The following PEG3 variants were observed in gnomAD, a reference collection of about 807,000 sequenced individuals.
PEG3 encodes the protein paternally expressed 3, also known as paternally-expressed gene 3 protein.
A neutral mutation model predicts 35.5 loss-of-function variants in PEG3; 23 were observed. That is an observed-to-expected ratio of 0.65 (90% CI 0.47 to 0.92). The LOEUF is 0.92. Ranked by LOEUF, PEG3 falls within the 40% of genes least tolerant of loss-of-function variation. PEG3 has a pLI of 0.00. For missense variants in PEG3, 1,960 were observed against 1,985.3 expected, an observed-to-expected ratio of 0.99 and a Z score of 0.24; for synonymous variants, 707 against 697.0, an observed-to-expected ratio of 1.01 and a Z score of -0.23.
rs146639361 is a variant in PEG3 at position 56,825,982 on chromosome 19, C to G, written c.-87+406G>C. Among the ~76,000 whole-genome samples, 313 of 152,326 alleles carry G rather than the reference C, an allele frequency of 2.1e-3. 1 individual carries two copies. Among genetic ancestry groups the G allele is most frequent in the African/African-American group, 7.0e-3 (289 of 41,570 alleles). The stretch of plus-strand genomic sequence containing the variant: ...TATGCAAACTGCCCTCCCACGCTCT[C>G]TCCTGCATATTATCATCCCATGGAG... On this transcript the variant is annotated intron_variant, in intron 3 of 9. Transcript: ENST00000326441.
intron 4 of PEG3, among the ~76,000 whole-genome samples, chr19:56,823,902 C>T (rs2060757370): frequency 6.6e-6 from 1 of 152,146 alleles, no homozygotes; most frequent in Non-Finnish European, 1.5e-5. Flanking sequence ...GACCTCACCC[C>T]CAGACACAAA....
In PEG3 at chr19:56,816,806, G is replaced by C; in HGVS notation, c.1636C>G (p.Pro546Ala). ...TGAAGCTCACTAAAGGTGGGGCTAGGCATGAAGGCTTCCTCACATTCCTGA... is the reference window on the plus strand; with the variant it reads ...TGAAGCTCACTAAAGGTGGGGCTAGCCATGAAGGCTTCCTCACATTCCTGA... ...KNQECEEAFMPSPTFSELQKI... is the reference protein window; with the variant it reads ...KNQECEEAFMASPTFSELQKI... The change falls in exon 10 of 10, where the codon CCT becomes GCT. Residue 546 changes from proline (P) to alanine (A), a missense_variant. Pro to Ala is a conservative substitution (Grantham distance 27). Around this residue, in one of 5 missense-constraint regions of PEG3, gnomAD observed 798 missense variants for 782.4 expected, o/e 1.02. Transcript: ENST00000326441. 6.2e-7 allele frequency: 1 copy of C among 1,614,096 alleles called. No individual in the cohort carries two copies. Among genetic ancestry groups the C allele is most frequent in the Non-Finnish European group, 8.5e-7 (1 of 1,179,988 alleles).
Position 56,814,564 on chromosome 19 carries a change from T to A in PEG3, c.3878A>T (p.Asn1293Ile), listed in dbSNP as rs747830167. The change falls in exon 10 of 10, where the codon AAC (asparagine) becomes ATC (isoleucine). Residue 1293 changes from asparagine to isoleucine, a missense_variant. Asn to Ile is a moderately radical substitution (Grantham distance 149). Transcript: ENST00000326441. This position sits in a 1 kb window ranked among gnomAD's most constrained non-coding sequence, Gnocchi z 5.8. Reference sequence around the variant, plus strand: ...TACGTGATCTGCAAGTTCTGCTGGGTTGACGAAAGATTCTCCACAGACTGC... The same window carrying A: ...TACGTGATCTGCAAGTTCTGCTGGGATGACGAAAGATTCTCCACAGACTGC... ...ECAVCGESFV[N>I]PAELADHVTV... 2 of 1,613,882 alleles carry A rather than the reference T, an allele frequency of 1.2e-6. No homozygotes were observed. Among genetic ancestry groups the A allele is most frequent in the Non-Finnish European group, 1.7e-6 (2 of 1,179,866 alleles).
At chr19:56,835,755 C>G (rs981098961) in intron 2 of PEG3, among the ~76,000 whole-genome samples, 7 of 152,094 alleles carry the variant, frequency 4.6e-5, no homozygotes, top group Admixed American at 2.6e-4. Flanking sequence ...TCTTTAATCA[C>G]CAGGCAAGAG....
rs747227458 is a variant in PEG3 at position 56,815,098 on chromosome 19, C to T, written c.3344G>A (p.Gly1115Asp). The T allele has an allele frequency of 1.2e-6, 2 of 1,613,734 alleles. No homozygotes were observed. Among genetic ancestry groups the T allele is most frequent in the Non-Finnish European group, 1.7e-6 (2 of 1,179,762 alleles). ...KIYECEDCGL[G>D]FVDLTDLTDH... ...TGTGAGGTCTGTGAGATCCACAAAG[C>T]CCAGGCCACAGTCCTCACATTCATA... Residue 1115 changes from glycine (G) to aspartate (D), a missense_variant, in exon 10 of 10, where the codon GGC (glycine) becomes GAC (aspartate). Transcript: ENST00000326441.
intron 1 of PEG3, among the ~76,000 whole-genome samples, chr19:56,840,268 A>G (rs1026707929): frequency 4.6e-5 from 7 of 152,276 alleles, no homozygotes; most frequent in African/African-American, 1.7e-4. Context: ...GCCAGTCAGA[A>G]AGGCGCGGAG....
chr19:56,830,542 C>T (rs1056956942), intron 2 of PEG3, among the ~76,000 whole-genome samples: 5 of 152,144 alleles, frequency 3.3e-5, no homozygotes, highest in African/African-American at 1.2e-4. Flanking sequence ...AAGGAAGGGA[C>T]AGCTATACCA....
At position 56,824,709 on chromosome 19, in the gene PEG3, C is replaced by A; in HGVS notation, c.-54G>T. The A allele has an allele frequency of 6.6e-7, 1 of 1,515,760 alleles. No homozygotes were observed. Among genetic ancestry groups the A allele is most frequent in the Admixed American group, 1.9e-5 (1 of 51,730 alleles). The allele number at this position is 1,515,760 out of a possible 1,614,324, so 93.9% of individuals were successfully genotyped here. ...ACCAAACATGAGTCAACAGGAAAGA[C>A]GCGGCAGCCTGTGACCGTCAGTACT... On this transcript the variant is annotated 5_prime_UTR_variant, in exon 4 of 10. Coordinates refer to ENST00000326441, the MANE Select transcript of PEG3 (RefSeq NM_006210.3).
rs772289859 is a variant in PEG3 at position 56,815,617 on chromosome 19, A to G, written c.2825T>C (p.Ile942Thr). ...AGAGGTCTCATTGCTCCTATGCTCA[A>G]TGTATTTCTTTTTAGCACGAGCCTT... The part of the protein sequence containing the change: ...YQKARAKKKY[I>T]EHRSNETSVI... Residue 942 changes from isoleucine (I) to threonine (T), a missense_variant, in exon 10 of 10, where the codon ATT becomes ACT. Physicochemically the swap from Ile to Thr is moderately conservative, Grantham distance 89 (BLOSUM62 -1). Coordinates refer to ENST00000326441, the MANE Select transcript of PEG3 (RefSeq NM_006210.3). 20 of 1,614,174 alleles carry G rather than the reference A, an allele frequency of 1.2e-5. No individual in the cohort carries two copies. The highest frequency in any genetic ancestry group is 8.9e-5 in the East Asian group (4 of 44,876).
rs770435859 is a variant in PEG3, at chr19:56,816,195, C to T, written c.2247G>A (p.Ala749=). 1.7e-5 allele frequency: 27 copies of T among 1,614,018 alleles called. No individual in the cohort carries two copies. Among genetic ancestry groups the T allele is most frequent in the South Asian group, 8.8e-5 (8 of 91,078 alleles). The change falls in exon 10 of 10, where the codon GCG becomes GCA. Residue 749 remains alanine (A), a synonymous_variant. Coordinates refer to ENST00000326441, the MANE Select transcript of PEG3 (RefSeq NM_006210.3). ...CATAGGGGTTAGAGCTAATGGTGAA[C>T]GCCTTTTCGTCCTCATCACTTTCAA... is the stretch of plus-strand genomic sequence containing the variant. ...RPLESDEDEK[A]FTISSNPYEN...
At position 56,811,500 on chromosome 19, in the gene PEG3, A is replaced by C. The variant is rs1465421733; in HGVS notation, c.*2175T>G. The C allele has an allele frequency of 1.0e-6, 1 of 984,728 alleles. No individual in the cohort carries two copies. 61.0% of individuals were successfully genotyped at this position (984,728 alleles called of 1,614,324 possible). A position where few individuals can be genotyped will look rare whatever the true frequency, so the allele number is the denominator to read the frequency against. ...TAAGTGTCCACAGATAGGTTTAAAC[A>C]ATCATTCTCTTGTTTACCATTTGTT... On this transcript the variant is annotated 3_prime_UTR_variant, in exon 10 of 10. Transcript: ENST00000326441.
rs998939266 is a variant in PEG3 at position 56,821,780 on chromosome 19, G to C, written c.566-26C>G. 6 of 1,612,442 alleles carry C rather than the reference G, an allele frequency of 3.7e-6. 1 individual carries two copies. Among genetic ancestry groups the C allele is most frequent in the South Asian group, 2.2e-5 (2 of 91,056 alleles). The stretch of plus-strand genomic sequence containing the variant: ...CTGGGAAGAAAAAAGGCATCAACAA[G>C]AAGCAGGGCCCAGTCCATCCTGCAG... On this transcript the variant is annotated intron_variant, in intron 6 of 9. Coordinates refer to ENST00000326441, the MANE Select transcript of PEG3 (RefSeq NM_006210.3).
At chr19:56,823,764 G>A in intron 4 of PEG3, 85 bp from the exon 5 acceptor site, 1 of 1,464,730 alleles carries the variant, frequency 6.8e-7, no homozygotes, top group South Asian at 1.1e-5. Flanking sequence ...GCATCTCCCT[G>A]TCACAGACAC....
At chr19:56,835,335 C>T (rs986741094) in intron 2 of PEG3, among the ~76,000 whole-genome samples, 2 of 152,178 alleles carry the variant, frequency 1.3e-5, no homozygotes, top group Admixed American at 6.5e-5. Context: ...CCACAACTTA[C>T]CTTCTTCCTA....
rs767916930 is a variant in PEG3 at position 56,817,003 on chromosome 19, T to C, written c.1439A>G (p.Tyr480Cys). ...HQIMHTRENL[Y>C]EYGESFIHSV... The stretch of plus-strand genomic sequence containing the variant: ...GTGGATAAAGGACTCACCATACTCA[T>C]AGAGGTTCTCTCTAGTATGCATGAT... Residue 480 changes from tyrosine (Y) to cysteine (C), a missense_variant, in exon 10 of 10, where the codon TAT becomes TGT. By Grantham distance (194) the Tyr-to-Cys change is radical. Coordinates refer to ENST00000326441, the MANE Select transcript of PEG3 (RefSeq NM_006210.3). 5.0e-6 allele frequency: 8 copies of C among 1,613,858 alleles called. No individual in the cohort carries two copies. The highest frequency in any genetic ancestry group is 6.8e-6 in the Non-Finnish European group (8 of 1,179,832).
rs1600851044 is a variant in PEG3 at position 56,811,560 on chromosome 19, A to C, written c.*2115T>G. 1.0e-6 allele frequency: 1 copy of C among 985,320 alleles called. No homozygotes were observed. Among genetic ancestry groups the C allele is most frequent in the Non-Finnish European group, 1.2e-6 (1 of 829,856 alleles). 61.0% of individuals were successfully genotyped at this position (985,320 alleles called of 1,614,324 possible). ...TCACTAGCTGAAGGTTGGAACGGAC[A>C]CCCTGACTTACAGCAAGTTGCTTTC... On this transcript the variant is annotated 3_prime_UTR_variant, in exon 10 of 10. Transcript: ENST00000326441.
At chr19:56,827,557 C>T (rs757247864) in intron 2 of PEG3, among the ~76,000 whole-genome samples, 4 of 152,192 alleles carry the variant, frequency 2.6e-5, no homozygotes, top group African/African-American at 4.8e-5. Flanking sequence ...AACAAGTACA[C>T]TCATATACTG....
intron 2 of PEG3, among the ~76,000 whole-genome samples, chr19:56,835,562 T>G (rs1043461514): frequency 2.6e-5 from 4 of 152,242 alleles, no homozygotes; most frequent in Non-Finnish European, 5.9e-5. Context: ...CAGCTGTTGC[T>G]AGCAGATGTT....
chr19:56,821,802 G>A, intron 6 of PEG3, 48 bp from the exon 7 acceptor site: 3 of 1,602,466 alleles, frequency 1.9e-6, no homozygotes, highest in Non-Finnish European at 2.6e-6. Flanking sequence ...AGTCCATCCT[G>A]CAGGTCCCAG....
Sources: gnomAD v4.1 joint callset for allele counts (sites outside exome capture counted in the v4.1 genomes callset) on GRCh38, gnomAD v4.1.1 for gene constraint, gnomAD v4.1.1 regional missense constraint, Gnocchi (gnomAD v3.1) non-coding constraint, MANE v1.5 for transcripts, NCBI Gene and HGNC (gene_info 2026-07-23, HGNC 2026-07-21) for gene names.